The following USP9X variants were observed in gnomAD, a reference collection of about 807,000 sequenced individuals.
The protein encoded by USP9X is ubiquitin specific peptidase 9 X-linked, also known as ubiquitin carboxyl-terminal hydrolase 9X.
USP9X carries 7 observed loss-of-function variants against 190.3 expected under a neutral mutation model. The observed-to-expected ratio is 0.04, with a 90% CI of 0.02 to 0.07. The LOEUF is 0.07. USP9X is among the 10% of genes least tolerant of loss of function. The pLI, the probability that USP9X is intolerant of heterozygous loss-of-function variation, is 1.00. For missense variants in USP9X, 1,010 were observed against 1,916.9 expected (o/e 0.53, Z 8.83); for synonymous variants, 645 against 659.5 (o/e 0.98, Z 0.34).
intron 1 of USP9X, among the ~76,000 whole-genome samples, chrX:41,106,341 T>C (rs1420337058): frequency 2.7e-5 from 3 of 110,544 alleles, no homozygotes; most frequent in Non-Finnish European, 3.8e-5. Context: ...TGTAGTAGGC[T>C]CAACAATGAA....
intron 24 of USP9X, among the ~76,000 whole-genome samples, chrX:41,186,958 C>G (rs145056457): frequency 0.014 from 1,521 of 109,352 alleles, 22 homozygotes; most frequent in African/African-American, 0.046. Context: ...TCCACAGTAG[C>G]TGGGATTACA....
In USP9X at chrX:41,193,564, A is replaced by G. The variant is rs564726201; in HGVS notation, c.3978-2687A>G. Among the ~76,000 whole-genome samples, 7 of 111,466 alleles carry G rather than the reference A, an allele frequency of 6.3e-5. No individual in the cohort carries two copies. In the East Asian group the frequency reaches 1.4e-3, roughly 23 times the overall value. Reference sequence around the variant, plus strand: ...TGTAGTCCCAACTACTCAGGAGGCTAAAGTGGGCAGATCACCTGAGCCCGG... The same window carrying G: ...TGTAGTCCCAACTACTCAGGAGGCTGAAGTGGGCAGATCACCTGAGCCCGG... On this transcript the variant is annotated intron_variant, in intron 26 of 44. Transcript: ENST00000378308.
intron 1 of USP9X, among the ~76,000 whole-genome samples, chrX:41,108,969 G>A (rs770350790): frequency 5.5e-4 from 61 of 111,317 alleles, no homozygotes; most frequent in Admixed American, 1.2e-3. Context: ...AAAGTTGGGG[G>A]TGTTGAGAAA....
intron 26 of USP9X, among the ~76,000 whole-genome samples, chrX:41,191,381 G>A (rs1341122686): frequency 9.1e-6 from 1 of 110,021 alleles, no homozygotes; most frequent in Non-Finnish European, 1.9e-5. Flanking sequence ...GGCCCCAGGG[G>A]TTTCAAATAA....
At chrX:41,198,358 A>G (rs2063008213) in intron 29 of USP9X, among the ~76,000 whole-genome samples, 170 bp from the exon 30 acceptor site, 1 of 107,739 alleles carries the variant, frequency 9.3e-6, no homozygotes, top group Non-Finnish European at 1.9e-5. Context: ...TAGTGATAGT[A>G]AATAGTGTTT....
rs181366148 is a variant in USP9X at position 41,096,599 on chromosome X, A to G, written c.-159+10490A>G. Among the ~76,000 whole-genome samples the G allele has an allele frequency of 2.3e-3, 252 of 110,886 alleles. 3 individuals are homozygous for G. Among genetic ancestry groups the G allele is most frequent in the Non-Finnish European group, 3.2e-3 (170 of 52,878 alleles). On this transcript the variant is annotated intron_variant, in intron 1 of 44. Coordinates refer to ENST00000378308, the MANE Select transcript of USP9X (RefSeq NM_001039591.3). Reference sequence around the variant, plus strand: ...CTTAGGATTACAGGCACCACCACCCACGGCGAATTTTTGTATTTTTTGTAG... The same window carrying G: ...CTTAGGATTACAGGCACCACCACCCGCGGCGAATTTTTGTATTTTTTGTAG...
At chrX:41,197,336 C>G in intron 28 of USP9X, 28 bp from the exon 29 acceptor site, 2 of 467,089 alleles carry the variant, frequency 4.3e-6, no homozygotes, top group Non-Finnish European at 6.0e-6. Context: ...TTTCTTCCCC[C>G]CCCCACCCCA....
At chrX:41,181,097 A>G (rs2062820774) in intron 21 of USP9X, among the ~76,000 whole-genome samples, 1 of 110,286 alleles carries the variant, frequency 9.1e-6, no homozygotes, top group Non-Finnish European at 1.9e-5. Flanking sequence ...AGTCCTCTCT[A>G]TATGTAATAC....
In USP9X at chrX:41,197,352, C is replaced by T. The variant is rs749133519; in HGVS notation, c.4234-12C>T. On this transcript the variant is annotated splice_polypyrimidine_tract_variant and intron_variant, in intron 28 of 44. Coordinates refer to ENST00000378308, the MANE Select transcript of USP9X (RefSeq NM_001039591.3). ...TTCTTCCCCCCCCCACCCCACCCCCCGCCTTTGGCAGGATGATGTTAAAAG... is the reference window on the plus strand; with the variant it reads ...TTCTTCCCCCCCCCACCCCACCCCCTGCCTTTGGCAGGATGATGTTAAAAG... 14 of 988,224 alleles carry T rather than the reference C, an allele frequency of 1.4e-5. No individual in the cohort carries two copies. Among genetic ancestry groups the T allele is most frequent in the Non-Finnish European group, 1.7e-5 (13 of 759,391 alleles). The allele number at this position is 988,224 out of a possible 1,213,427, so 81.4% of individuals were successfully genotyped here.
rs975944019 is a variant in USP9X at position 41,144,811 on chromosome X, C to T, written c.1419+185C>T. Among the ~76,000 whole-genome samples the T allele has an allele frequency of 9.0e-5, 10 of 111,061 alleles. No individual in the cohort carries two copies. The Admixed American group carries it at 9.6e-4, about 11-fold the overall frequency. On this transcript the variant is annotated intron_variant, in intron 11 of 44. Coordinates refer to ENST00000378308, the MANE Select transcript of USP9X (RefSeq NM_001039591.3). ...CTTGATGTTCATTTTCTTAATAGCC[C>T]CCATAATGGAAACTCAGGCTATCAC...
At chrX:41,218,025 T>A (rs1429262662) in intron 36 of USP9X, among the ~76,000 whole-genome samples, 1 of 112,644 alleles carries the variant, frequency 8.9e-6, no homozygotes, top group Non-Finnish European at 1.9e-5. Flanking sequence ...CTTAAGTTTC[T>A]AATTGTGAAA....
chrX:41,086,518 C>T (rs190413360), intron 1 of USP9X, among the ~76,000 whole-genome samples: 2 of 112,409 alleles, frequency 1.8e-5, no homozygotes, highest in African/African-American at 6.4e-5. Flanking sequence ...CGCTTTCCTA[C>T]CCGGTCTGGT....
intron 6 of USP9X, among the ~76,000 whole-genome samples, chrX:41,137,425 G>T (rs2062384478): frequency 1.8e-5 from 2 of 111,471 alleles, no homozygotes; most frequent in African/African-American, 3.3e-5. Context: ...TAAAATTACA[G>T]AAATTGTTAA....
intron 11 of USP9X, 77 bp from the exon 12 acceptor site, chrX:41,148,292 A>G: frequency 1.9e-6 from 2 of 1,058,634 alleles, no homozygotes; most frequent in South Asian, 2.0e-5. Context: ...ATGAATTTGA[A>G]TATAGTTAAC....
At chrX:41,109,280 A>T (rs1221840341) in intron 1 of USP9X, among the ~76,000 whole-genome samples, 1 of 112,097 alleles carries the variant, frequency 8.9e-6, no homozygotes, top group African/African-American at 3.2e-5. Flanking sequence ...TGAGGGCACC[A>T]TTCCAAAAGT....
intron 15 of USP9X, among the ~76,000 whole-genome samples, chrX:41,163,961 C>G (rs928627846): frequency 3.6e-5 from 4 of 110,510 alleles, no homozygotes; most frequent in African/African-American, 1.3e-4. Flanking sequence ...ACTGCAACCT[C>G]CACCTCCCAG....
chrX:41,137,068 G>A (rs1208260080), intron 6 of USP9X, 46 bp downstream of exon 6: 1 of 1,080,124 alleles, frequency 9.3e-7, no homozygotes, highest in Non-Finnish European at 1.3e-6. Context: ...CAATTGTTTT[G>A]TTCTGACACA....
At chrX:41,223,689 G>C (rs891850552) in intron 39 of USP9X, among the ~76,000 whole-genome samples, 1 of 111,264 alleles carries the variant, frequency 9.0e-6, no homozygotes, top group Admixed American at 9.6e-5. Context: ...TGCCGTCCTC[G>C]GCCTCCCAAA....
rs7885128 is a variant in USP9X at position 41,187,782 on chromosome X, C to G, written c.3685-210C>G. The stretch of plus-strand genomic sequence containing the variant: ...GCTGTAGTGAGCTATGATCACACCA[C>G]TGTACTCTAGACTGGGTGACAGAGC... On this transcript the variant is annotated intron_variant, in intron 24 of 44. Coordinates refer to ENST00000378308, the MANE Select transcript of USP9X (RefSeq NM_001039591.3). Among the ~76,000 whole-genome samples the G allele has an allele frequency of 0.035, 3,783 of 109,086 alleles. 159 individuals carry two copies. Among genetic ancestry groups the G allele is most frequent in the African/African-American group, 0.12 (3,584 of 29,745 alleles). 94.7% of individuals were successfully genotyped at this position (109,086 alleles called of 115,157 possible).
Sources: gnomAD v4.1 joint callset for allele counts (sites outside exome capture counted in the v4.1 genomes callset) on GRCh38, gnomAD v4.1.1 for gene constraint, MANE v1.5 for transcripts, NCBI Gene and HGNC (gene_info 2026-07-23, HGNC 2026-07-21) for gene names.